Variants in PRH1 observed in about 807,000 individuals in gnomAD.
PRH1 encodes the protein proline rich protein HaeIII subfamily 1.
In PRH1, 7 loss-of-function variants were observed where a neutral mutation model predicts 7.9. The observed-to-expected ratio is 0.89, with a 90% CI of 0.50 to 1.67. PRH1 has a LOEUF of 1.67. Ranked by LOEUF, PRH1 falls within the 40% of genes most tolerant of loss-of-function variation. The probability of loss-of-function intolerance (pLI) is 0.00; values close to 1 mark genes in which losing one functional copy is unlikely to be tolerated. For synonymous variants in PRH1, 45 were observed against 80.8 expected, an observed-to-expected ratio of 0.56 and a Z score of 2.38; for missense variants, 109 against 223.6, an observed-to-expected ratio of 0.49 and a Z score of 3.27.
intron 2 of PRH1, chr12:10,973,531 G>C: frequency 1.7e-6 from 1 of 579,802 alleles, no homozygotes; most frequent in Non-Finnish European, 3.1e-6. Context: ...CCTTGAGTAG[G>C]CTTTATGAGA....
At chr12:11,102,089 T>A (rs1222490451) in intron 1 of PRH1, among the ~76,000 whole-genome samples, 10 of 152,046 alleles carry the variant, frequency 6.6e-5, no homozygotes, top group Admixed American at 6.6e-4. Flanking sequence ...ATAGGAAGAA[T>A]CAATATCATG....
intron 1 of PRH1, among the ~76,000 whole-genome samples, chr12:10,977,906 A>C (rs1239022693): frequency 6.6e-6 from 1 of 152,186 alleles, no homozygotes; most frequent in Non-Finnish European, 1.5e-5. Context: ...CAGAAATCAA[A>C]TATGACACAG....
chr12:11,092,989 T>C (rs141127171), intron 1 of PRH1, among the ~76,000 whole-genome samples: 2,838 of 115,590 alleles, frequency 0.025, 815 homozygotes, highest in South Asian at 0.036. Flanking sequence ...GTTCTTGTTA[T>C]AGGCTGGAAT....
upstream of PRH1, among the ~76,000 whole-genome samples, chr12:10,885,638 G>A (rs1949479967): frequency 6.6e-6 from 1 of 152,200 alleles, no homozygotes; most frequent in Non-Finnish European, 1.5e-5. Flanking sequence ...CTCAGCTGCT[G>A]ATTGCTCTGT....
chr12:10,937,502 C>G (rs1337623515), intron 2 of PRH1: 1 of 152,008 alleles, frequency 6.6e-6, no homozygotes, highest in Non-Finnish European at 1.5e-5. Context: ...GAATTTATCT[C>G]AAAGCTAGAG....
intron 1 of PRH1, chr12:10,973,779 C>T: frequency 2.7e-6 from 2 of 754,332 alleles, no homozygotes. Context: ...GAGAGCTGTG[C>T]AAACAAGGAG....
chr12:11,059,589 C>T (rs1482863303), intron 1 of PRH1, among the ~76,000 whole-genome samples: 1 of 143,438 alleles, frequency 7.0e-6, no homozygotes, highest in Non-Finnish European at 1.6e-5. Context: ...TGTTTATACG[C>T]TTTCTAAAAA....
chr12:10,917,033 G>A (rs566043725), intron 2 of PRH1, among the ~76,000 whole-genome samples: 1 of 152,246 alleles, frequency 6.6e-6, no homozygotes, highest in East Asian at 1.9e-4. Flanking sequence ...CCATGCTTAT[G>A]CCACTGCCAG....
chr12:11,017,499 A>T (rs1407527231), intron 1 of PRH1, among the ~76,000 whole-genome samples: 1 of 145,772 alleles, frequency 6.9e-6, no homozygotes, highest in East Asian at 2.0e-4. Flanking sequence ...ATTTATTTAT[A>T]TTTGAGATAG....
chr12:11,164,073 G>A (rs896310255), intron 1 of PRH1, among the ~76,000 whole-genome samples: 7 of 152,164 alleles, frequency 4.6e-5, no homozygotes, highest in African/African-American at 1.7e-4. Flanking sequence ...CAGTAGCTGT[G>A]ATGGTTAATT....
intron 1 of PRH1, chr12:11,077,372 GA>G: frequency 2.3e-6 from 1 of 430,530 alleles, no homozygotes; most frequent in South Asian, 3.2e-5. Flanking sequence ...AAAACTGAAA[GA>G]AACGTCTGTT....
intron 2 of PRH1, among the ~76,000 whole-genome samples, chr12:10,941,341 A>G (rs910738648): frequency 2.0e-5 from 3 of 152,186 alleles, no homozygotes; most frequent in African/African-American, 7.2e-5. Flanking sequence ...TCAGAAAAAG[A>G]GCAGCAAAAA....
At chr12:11,012,823 G>A (rs1048581462) in intron 1 of PRH1, among the ~76,000 whole-genome samples, 2 of 152,114 alleles carry the variant, frequency 1.3e-5, no homozygotes, top group African/African-American at 4.8e-5. Flanking sequence ...CTCCCAAAAT[G>A]CTTGGATACA....
Position 11,078,066 on chromosome 12 carries a change from G to C in PRH1, n.124-30878C>G. The C allele has an allele frequency of 1.3e-5, 7 of 525,348 alleles. 1 individual carries two copies. The highest frequency in any genetic ancestry group is 2.5e-5 in the Non-Finnish European group (7 of 284,078). 32.5% of individuals were successfully genotyped at this position (525,348 alleles called of 1,614,324 possible). A position where few individuals can be genotyped will look rare whatever the true frequency, so the allele number is the denominator to read the frequency against. On this transcript the variant is annotated intron_variant and non_coding_transcript_variant, in intron 1 of 4. Coordinates refer to the PRH1 transcript ENST00000541977. ...CATACCAATGTAATAATATGACCCAGAGTAAACCAATTCTGGAGACCACCA... is the reference window on the plus strand; with the variant it reads ...CATACCAATGTAATAATATGACCCACAGTAAACCAATTCTGGAGACCACCA...
intron 1 of PRH1, among the ~76,000 whole-genome samples, chr12:11,011,784 GCTAA>G (rs1219250238): frequency 6.6e-6 from 1 of 152,104 alleles, no homozygotes; most frequent in Non-Finnish European, 1.5e-5. Flanking sequence ...TCTGGTTGCT[GCTAA>G]CTAATACTTT....
chr12:11,022,868 A>C (rs78962165), intron 1 of PRH1, among the ~76,000 whole-genome samples: 1 of 151,882 alleles, frequency 6.6e-6, no homozygotes, highest in East Asian at 1.9e-4. Flanking sequence ...GAAGTGGAAA[A>C]TGAATTCTCA....
At chr12:10,899,631 T>C (rs1949697085) in intron 2 of PRH1, among the ~76,000 whole-genome samples, 2 of 152,142 alleles carry the variant, frequency 1.3e-5, no homozygotes, top group Non-Finnish European at 2.9e-5. Flanking sequence ...TTCTCCACCA[T>C]GGTTTGACCC....
At chr12:11,163,725 G>A (rs1001647023) in intron 1 of PRH1, among the ~76,000 whole-genome samples, 19 of 152,304 alleles carry the variant, frequency 1.2e-4, no homozygotes, top group African/African-American at 4.3e-4. Flanking sequence ...AAGTGTATCA[G>A]AGAATCATTA....
At position 11,141,606 on chromosome 12, in the gene PRH1, T is replaced by C. The variant is rs1946706049; in HGVS notation, n.40-20426A>G. Among the ~76,000 whole-genome samples the C allele has an allele frequency of 2.0e-5, 3 of 152,230 alleles. No homozygotes were observed. The South Asian group carries it at 6.2e-4, about 32-fold the overall frequency. ...ACAACTACTCTATGCCTTGGTATAATCATCTGTAAAATACAGATGATAATA... is the reference window on the plus strand; with the variant it reads ...ACAACTACTCTATGCCTTGGTATAACCATCTGTAAAATACAGATGATAATA... On this transcript the variant is annotated intron_variant and non_coding_transcript_variant, in intron 1 of 1. Coordinates refer to the PRH1 transcript ENST00000541175.
Sources: gnomAD v4.1 joint callset for allele counts (sites outside exome capture counted in the v4.1 genomes callset) on GRCh38, gnomAD v4.1.1 for gene constraint, MANE v1.5 for transcripts, NCBI Gene and HGNC (gene_info 2026-07-23, HGNC 2026-07-21) for gene names.